VN1R1: variants seen among roughly 807,000 people sequenced by gnomAD.
VN1R1 encodes the protein vomeronasal type-1 receptor 1.
For synonymous variants in VN1R1, 168 were observed against 149.8 expected, an observed-to-expected ratio of 1.12 and a Z score of -0.89; for missense variants, 391 against 410.3, an observed-to-expected ratio of 0.95 and a Z score of 0.41.
At position 57,456,473 on chromosome 19, in the gene VN1R1, G is replaced by A; in HGVS notation, c.14C>T (p.Thr5Ile). ...CATCAGTGGAGACAGAAGTTTTAAT[G>A]TGTCTCCAACCATATTTTCTCATCT... is the stretch of plus-strand genomic sequence containing the variant. MVGD[T>I]LKLLSPLMTR... The change falls in exon 1 of 1, where the codon ACA (threonine) becomes ATA (isoleucine). Residue 5 changes from threonine (T) to isoleucine (I), a missense_variant. By Grantham distance (89) the Thr-to-Ile change is moderately conservative. Transcript: ENST00000321039. 1 of 1,577,426 alleles carries A rather than the reference G, an allele frequency of 6.3e-7. No homozygotes were observed. Among genetic ancestry groups the A allele is most frequent in the Middle Eastern group, 1.7e-4 (1 of 5,908 alleles).
At position 57,456,388 on chromosome 19, in the gene VN1R1, T is replaced by C. The variant is rs761512249; in HGVS notation, c.99A>G (p.Gln33=). The C allele has an allele frequency of 4.5e-5, 72 of 1,613,622 alleles. No homozygotes were observed. Among genetic ancestry groups the C allele is most frequent in the Admixed American group, 1.0e-4 (6 of 60,000 alleles). The change falls in exon 1 of 1, where the codon CAA becomes CAG. Residue 33 remains glutamine (Q), a synonymous_variant. Transcript: ENST00000321039. The part of the protein sequence containing the change: ...STDSSDLNEN[Q]HPLDFDEMAF... ...CCATTTCATCAAAATCTAGGGGATGTTGATTTTCATTGAGGTCTGAAGAAT... is the reference window on the plus strand; with the variant it reads ...CCATTTCATCAAAATCTAGGGGATGCTGATTTTCATTGAGGTCTGAAGAAT...
Position 57,455,233 on chromosome 19 carries a change from A to G in VN1R1, c.*192T>C, listed in dbSNP as rs892153707. ...TTTCCTGAACTTGTCTGAAGGACTT[A>G]ACACAGTTATATAGAGTGTTCTTTG... On this transcript the variant is annotated 3_prime_UTR_variant, in exon 1 of 1. Coordinates refer to ENST00000321039, the MANE Select transcript of VN1R1 (RefSeq NM_020633.4). 11 of 545,156 alleles carry G rather than the reference A, an allele frequency of 2.0e-5. No homozygotes were observed. Among genetic ancestry groups the G allele is most frequent in the Middle Eastern group, 4.8e-4 (1 of 2,092 alleles). 33.8% of individuals were successfully genotyped at this position (545,156 alleles called of 1,614,324 possible).
chr19:57,456,610 C>G lies in VN1R1; in HGVS notation c.-124G>C, dbSNP rs983395503. ...TCAACCGCACAACAGATCCACAAATCAAACCTATAAAACTCAGGGCTTACA... is the reference window on the plus strand; with the variant it reads ...TCAACCGCACAACAGATCCACAAATGAAACCTATAAAACTCAGGGCTTACA... On this transcript the variant is annotated 5_prime_UTR_variant, in exon 1 of 1. Coordinates refer to ENST00000321039, the MANE Select transcript of VN1R1 (RefSeq NM_020633.4). 2 of 754,854 alleles carry G rather than the reference C, an allele frequency of 2.6e-6. No homozygotes were observed. The highest frequency in any genetic ancestry group is 4.1e-6 in the Non-Finnish European group (2 of 492,768). 46.8% of individuals were successfully genotyped at this position (754,854 alleles called of 1,614,324 possible). A position where few individuals can be genotyped will look rare whatever the true frequency, so the allele number is the denominator to read the frequency against.
chr19:57,456,403 G>T lies in VN1R1; in HGVS notation c.84C>A (p.Asp28Glu), dbSNP rs2089132773. ...FLLFYSTDSS[D>E]LNENQHPLDF... ...CTAGGGGATGTTGATTTTCATTGAGGTCTGAAGAATCAGTAGAATAAAAAA... is the reference window on the plus strand; with the variant it reads ...CTAGGGGATGTTGATTTTCATTGAGTTCTGAAGAATCAGTAGAATAAAAAA... Residue 28 changes from aspartate to glutamate, a missense_variant, in exon 1 of 1, where the codon GAC (aspartate) becomes GAA (glutamate). Physicochemically the swap from Asp to Glu is conservative, Grantham distance 45. Coordinates refer to ENST00000321039, the MANE Select transcript of VN1R1 (RefSeq NM_020633.4). 6.2e-7 allele frequency: 1 copy of T among 1,611,958 alleles called. No individual in the cohort carries two copies. The highest frequency in any genetic ancestry group is 1.7e-5 in the Admixed American group (1 of 59,900).
Position 57,455,360 on chromosome 19 carries a change from G to A in VN1R1, c.*65C>T. ...ATGTTGCTATCACAAATAACTAGTA[G>A]TTAATATTTCCTAAATCTTAGCAAG... is the stretch of plus-strand genomic sequence containing the variant. On this transcript the variant is annotated 3_prime_UTR_variant, in exon 1 of 1. Transcript: ENST00000321039. The A allele has an allele frequency of 7.0e-7, 1 of 1,434,466 alleles. No homozygotes were observed. The highest frequency in any genetic ancestry group is 1.4e-5 in the African/African-American group (1 of 70,212). The allele number at this position is 1,434,466 out of a possible 1,614,324, so 88.9% of individuals were successfully genotyped here. A position where few individuals can be genotyped will look rare whatever the true frequency, so the allele number is the denominator to read the frequency against.
At position 57,455,737 on chromosome 19, in the gene VN1R1, C is replaced by T. The variant is rs1323637749; in HGVS notation, c.750G>A (p.Lys250=). The change falls in exon 1 of 1, where the codon AAG becomes AAA. Residue 250 remains lysine (K), a synonymous_variant. Coordinates refer to ENST00000321039, the MANE Select transcript of VN1R1 (RefSeq NM_020633.4). ...TGCTGTGATTGTGTTGGACTTGCTG[C>T]TTGTGTCTGTAGAGGAAGAAGACCA... is the stretch of plus-strand genomic sequence containing the variant. ...GSMVFFLYRH[K]QQVQHNHSNR... is the part of the protein sequence containing the mutation. The T allele has an allele frequency of 6.2e-7, 1 of 1,614,178 alleles. No individual in the cohort carries two copies. The highest frequency in any genetic ancestry group is 1.7e-5 in the Admixed American group (1 of 60,020).
In VN1R1 at chr19:57,456,635, A is replaced by G. The variant is rs2089134055; in HGVS notation, c.-149T>C. 3.5e-6 allele frequency: 2 copies of G among 569,318 alleles called. No individual in the cohort carries two copies. The highest frequency in any genetic ancestry group is 3.8e-5 in the African/African-American group (2 of 53,086). 35.3% of individuals were successfully genotyped at this position (569,318 alleles called of 1,614,324 possible). On this transcript the variant is annotated 5_prime_UTR_variant, in exon 1 of 1. Transcript: ENST00000321039. ...CAAACCTATAAAACTCAGGGCTTAC[A>G]CACATGCAACAAGTAAATACAAGCA...
At position 57,455,765 on chromosome 19, in the gene VN1R1, G is replaced by A. The variant is rs28649880; in HGVS notation, c.722C>T (p.Ser241Phe). The change falls in exon 1 of 1, where the codon TCC (serine) becomes TTC (phenylalanine). Residue 241 changes from serine (S) to phenylalanine (F), a missense_variant. Ser to Phe is a radical substitution (Grantham distance 155). Transcript: ENST00000321039. Reference protein sequence around the residue: ...SLGFMVWASGSMVFFLYRHKQ... With the variant: ...SLGFMVWASGFMVFFLYRHKQ... ...GTGTCTGTAGAGGAAGAAGACCATG[G>A]AGCCACTGGCCCAGACCATGAAGCC... 511,776 of 1,613,798 alleles carry A rather than the reference G, an allele frequency of 0.32. 86,722 individuals are homozygous for A. Among genetic ancestry groups the A allele is most frequent in the East Asian group, 0.62 (27,933 of 44,874 alleles).
In VN1R1 at chr19:57,456,340, C is replaced by A. The variant is rs781143763; in HGVS notation, c.147G>T (p.Gly49=). ...DEMAFGKVKS[G]ISFLIQTGVG... ...CTCCAGTCTGAATGAGGAAGCTAAT[C>A]CCTGATTTTACTTTTCCAAAAGCCA... is the stretch of plus-strand genomic sequence containing the variant. The change falls in exon 1 of 1, where the codon GGG becomes GGT. Residue 49 remains glycine, a synonymous_variant. Coordinates refer to ENST00000321039, the MANE Select transcript of VN1R1 (RefSeq NM_020633.4). The A allele has an allele frequency of 5.0e-5, 81 of 1,613,746 alleles. 1 individual carries two copies. Among genetic ancestry groups the A allele is most frequent in the Non-Finnish European group, 6.4e-5 (76 of 1,179,800 alleles).
Position 57,455,073 on chromosome 19 carries a change from A to C in VN1R1, c.*352T>G. 4.5e-6 allele frequency: 1 copy of C among 223,122 alleles called. No homozygotes were observed. Among genetic ancestry groups the C allele is most frequent in the Non-Finnish European group, 8.9e-6 (1 of 111,812 alleles). 13.8% of individuals were successfully genotyped at this position (223,122 alleles called of 1,614,324 possible). A position where few individuals can be genotyped will look rare whatever the true frequency, so the allele number is the denominator to read the frequency against. ...TTCTTACATGTGGACTCTCCAGGGG[A>C]TTTATGCTGTTCAAGAAGCACCTGA... is the stretch of plus-strand genomic sequence containing the variant. On this transcript the variant is annotated 3_prime_UTR_variant, in exon 1 of 1. Transcript: ENST00000321039.
Position 57,456,278 on chromosome 19 carries a change from T to A in VN1R1, c.209A>T (p.Tyr70Phe). The change falls in exon 1 of 1, where the codon TAT becomes TTT. Residue 70 changes from tyrosine (Y) to phenylalanine (F), a missense_variant. By Grantham distance (22) the Tyr-to-Phe change is conservative (BLOSUM62 3). Transcript: ENST00000321039. Reference sequence around the variant, plus strand: ...GTGTCCAGTGAACAAAATTAAGTTATAAAAACAAAGGAGAAAGGAATTTCC... The same window carrying A: ...GTGTCCAGTGAACAAAATTAAGTTAAAAAAACAAAGGAGAAAGGAATTTCC... ...ILGNSFLLCF[Y>F]NLILFTGHKL... The A allele has an allele frequency of 6.2e-7, 1 of 1,613,304 alleles. No individual in the cohort carries two copies. Among genetic ancestry groups the A allele is most frequent in the Non-Finnish European group, 8.5e-7 (1 of 1,179,620 alleles).
At position 57,456,444 on chromosome 19, in the gene VN1R1, T is replaced by G; in HGVS notation, c.43A>C (p.Arg15=). The G allele has an allele frequency of 6.3e-7, 1 of 1,598,708 alleles. No individual in the cohort carries two copies. Among genetic ancestry groups the G allele is most frequent in the Non-Finnish European group, 8.5e-7 (1 of 1,169,624 alleles). The part of the protein sequence containing the change: ...TLKLLSPLMT[R]YFFLLFYSTD... Reference sequence around the variant, plus strand: ...GAATAAAAAAGCAGAAAGAAGTATCTTGTCATCAGTGGAGACAGAAGTTTT... The same window carrying G: ...GAATAAAAAAGCAGAAAGAAGTATCGTGTCATCAGTGGAGACAGAAGTTTT... Residue 15 remains arginine (R), a synonymous_variant, in exon 1 of 1, where the codon AGA becomes CGA. Coordinates refer to ENST00000321039, the MANE Select transcript of VN1R1 (RefSeq NM_020633.4).
rs746824707 is a variant in VN1R1 at position 57,456,225 on chromosome 19, T to G, written c.262A>C (p.Ser88Arg). 1.1e-5 allele frequency: 17 copies of G among 1,614,126 alleles called. No individual in the cohort carries two copies. Among genetic ancestry groups the G allele is most frequent in the Middle Eastern group, 1.6e-4 (1 of 6,084 alleles). Residue 88 changes from serine (S) to arginine (R), a missense_variant, in exon 1 of 1, where the codon AGC (serine) becomes CGC (arginine). Coordinates refer to ENST00000321039, the MANE Select transcript of VN1R1 (RefSeq NM_020633.4). ...ATGGAGTTAGCCAAGGCCAGTTGGC[T>G]GAGAATCAAGTCCGTGGGTCTCAGC... ...HKLRPTDLIL[S>R]QLALANSMVL...
Position 57,455,052 on chromosome 19 carries a change from T to G in VN1R1, c.*373A>C. 5.5e-6 allele frequency: 1 copy of G among 180,250 alleles called. No individual in the cohort carries two copies. The highest frequency in any genetic ancestry group is 1.2e-5 in the Non-Finnish European group (1 of 85,384). The allele number at this position is 180,250 out of a possible 1,614,324, so 11.2% of individuals were successfully genotyped here. On this transcript the variant is annotated 3_prime_UTR_variant, in exon 1 of 1. Coordinates refer to ENST00000321039, the MANE Select transcript of VN1R1 (RefSeq NM_020633.4). ...GTGCCCGGCCTGCACATGTCTTTCT[T>G]ACATGTGGACTCTCCAGGGGATTTA... is the stretch of plus-strand genomic sequence containing the variant.
Position 57,455,511 on chromosome 19 carries a change from T to G in VN1R1, c.976A>C (p.Ile326Leu). 1 of 1,614,072 alleles carries G rather than the reference T, an allele frequency of 6.2e-7. No individual in the cohort carries two copies. The highest frequency in any genetic ancestry group is 8.5e-7 in the Non-Finnish European group (1 of 1,179,954). Residue 326 changes from isoleucine (I) to leucine (L), a missense_variant, in exon 1 of 1, where the codon ATC becomes CTC. Physicochemically the swap from Ile to Leu is conservative, Grantham distance 5 (BLOSUM62 2). Coordinates refer to ENST00000321039, the MANE Select transcript of VN1R1 (RefSeq NM_020633.4). The stretch of plus-strand genomic sequence containing the variant: ...TGAGAGATATGAGTATCACTCATGA[T>G]GAGGACAAAAGGGCTGCGTGCTGGG... ...CFPARSPFVL[I>L]MSDTHISQFC... is the part of the protein sequence containing the mutation.
the VN1R1 span, chr19:57,455,450 AAG>A: frequency 6.2e-7 from 1 of 1,613,798 alleles, no homozygotes; most frequent in Non-Finnish European, 8.5e-7. Flanking sequence ...CAGATTAGGA[AAG>A]AGTGTTTTCC....
Position 57,456,687 on chromosome 19 carries a change from ACAC to A in VN1R1, c.-204_-202del, listed in dbSNP as rs1343611294. On this transcript the variant is annotated 5_prime_UTR_variant, in exon 1 of 1. Transcript: ENST00000321039. ...AACTAGGGAAATATATAAAAACAGA[ACAC>A]AGAAGAGTCAATATCATTAGAGTGA... 8.2e-6 allele frequency: 4 copies of A among 485,226 alleles called. No homozygotes were observed. The highest frequency in any genetic ancestry group is 1.4e-5 in the Non-Finnish European group (4 of 277,636). The allele number at this position is 485,226 out of a possible 1,614,324, so 30.1% of individuals were successfully genotyped here.
rs757564333 is a variant in VN1R1 at position 57,455,415 on chromosome 19, G to A, written c.*10C>T. 2.5e-6 allele frequency: 4 copies of A among 1,592,224 alleles called. No homozygotes were observed. The highest frequency in any genetic ancestry group is 3.4e-6 in the Non-Finnish European group (4 of 1,170,250). On this transcript the variant is annotated 3_prime_UTR_variant, in exon 1 of 1. Transcript: ENST00000321039. ...ATGATAAATAGCTGAATTCCATGAA[G>A]AGAAAAGACTCATGGCATGACAACC... is the stretch of plus-strand genomic sequence containing the variant.
chr19:57,455,691 AAGGTCTGCAGG>A, the VN1R1 span: 1 of 1,614,150 alleles, frequency 6.2e-7, no homozygotes, highest in Non-Finnish European at 8.5e-7. Flanking sequence ...GCTTCCTGGG[AAGGTCTGCAGG>A]AGAGTCTGTT....
Sources: allele counts gnomAD v4.1 joint callset, GRCh38; gene constraint gnomAD v4.1.1; transcripts MANE v1.5; gene names NCBI Gene and HGNC (gene_info 2026-07-23, HGNC 2026-07-21).